ZNF716: variants seen among roughly 807,000 people sequenced by gnomAD.
ZNF716 encodes zinc finger protein 716.
ZNF716 carries 9 observed loss-of-function variants against 13.4 expected under a neutral mutation model. That is an observed-to-expected ratio of 0.67 (90% confidence interval 0.41 to 1.18). ZNF716 has a LOEUF of 1.18. Among genes scored for constraint, ZNF716 ranks in the 50% most tolerant of loss-of-function variants. ZNF716 has a pLI of 0.01. For synonymous variants in ZNF716, 186 were observed against 195.2 expected, an observed-to-expected ratio of 0.95 and a Z score of 0.39; for missense variants, 581 against 576.6, an observed-to-expected ratio of 1.01 and a Z score of -0.08.
rs782708091 is a variant in ZNF716 at position 57,462,604 on chromosome 7, A to T, written c.166+18A>T. On this transcript the variant is annotated intron_variant, in intron 2 of 3. Coordinates refer to ENST00000420713, the MANE Select transcript of ZNF716 (RefSeq NM_001159279.1). ...CTCCCTGGGTGAGGAAAACTTCAAT[A>T]CACAATTCCTAATATATTGCCTTTC... 1 of 1,586,938 alleles carries T rather than the reference A, an allele frequency of 6.3e-7. No homozygotes were observed. Among genetic ancestry groups the T allele is most frequent in the South Asian group, 1.1e-5 (1 of 87,094 alleles).
chr7:57,462,237 A>G (rs368377053), intron 1 of ZNF716, among the ~76,000 whole-genome samples: 1 of 151,890 alleles, frequency 6.6e-6, no homozygotes, highest in Non-Finnish European at 1.5e-5. Flanking sequence ...TCATATCTAC[A>G]GTGGTATTGT....
chr7:57,453,246 G>C (rs1411826793), intron 1 of ZNF716, among the ~76,000 whole-genome samples: 1 of 152,130 alleles, frequency 6.6e-6, no homozygotes, highest in Non-Finnish European at 1.5e-5. Flanking sequence ...ACTCATGAGG[G>C]CACAGTGCAG....
chr7:57,455,944 TTTTG>T lies in ZNF716; in HGVS notation c.39+5633_39+5636del, dbSNP rs532404010. On this transcript the variant is annotated intron_variant, in intron 1 of 3. Coordinates refer to ENST00000420713, the MANE Select transcript of ZNF716 (RefSeq NM_001159279.1). ...CTGGGTTGCATGGTTTTTTTTGTTTTTTTGTTTGTTTGTTTGTTTTTTGTTTTTT... is the reference window on the plus strand; with the variant it reads ...CTGGGTTGCATGGTTTTTTTTGTTTTTTTGTTTGTTTGTTTTTTGTTTTTT... Among the ~76,000 whole-genome samples the T allele has an allele frequency of 2.9e-3, 444 of 151,642 alleles. 3 individuals are homozygous for T. The highest frequency in any genetic ancestry group is 0.01 in the African/African-American group (425 of 41,352).
chr7:57,459,171 G>A (rs1554322598), intron 1 of ZNF716, among the ~76,000 whole-genome samples: 1 of 152,092 alleles, frequency 6.6e-6, no homozygotes. Flanking sequence ...TGAAAATGCT[G>A]TGCTCTTAAT....
intron 3 of ZNF716, among the ~76,000 whole-genome samples, chr7:57,468,388 A>G (rs1319175932): frequency 3.9e-5 from 6 of 152,318 alleles, no homozygotes; most frequent in South Asian, 2.1e-4. Context: ...CTTTTGAGAT[A>G]AAAGCCAGTT....
chr7:57,465,653 C>G (rs566182738), intron 3 of ZNF716, among the ~76,000 whole-genome samples: 1 of 152,148 alleles, frequency 6.6e-6, no homozygotes, highest in South Asian at 2.1e-4. Flanking sequence ...CCTGGCTGAT[C>G]TTTTGAAATT....
chr7:57,459,299 AC>A (rs1789662483), intron 1 of ZNF716, among the ~76,000 whole-genome samples: 1 of 146,370 alleles, frequency 6.8e-6, no homozygotes, highest in Non-Finnish European at 1.5e-5. Context: ...AGCACACAGT[AC>A]CTGCTTAGTA....
chr7:57,457,509 T>C lies in ZNF716; in HGVS notation c.40-4951T>C, dbSNP rs527971040. On this transcript the variant is annotated intron_variant, in intron 1 of 3. Coordinates refer to ENST00000420713, the MANE Select transcript of ZNF716 (RefSeq NM_001159279.1). ...ACAGGTGTGTGCCACCACATCCAGC[T>C]AATTTTTGTATTTTTAATAGAGACA... Among the ~76,000 whole-genome samples the C allele has an allele frequency of 2.0e-5, 3 of 152,226 alleles. No individual in the cohort carries two copies. The East Asian group carries it at 5.8e-4, about 29-fold the overall frequency.
chr7:57,454,019 G>A (rs1554321888), intron 1 of ZNF716, among the ~76,000 whole-genome samples: 1 of 152,144 alleles, frequency 6.6e-6, no homozygotes, highest in Admixed American at 6.5e-5. Flanking sequence ...TTTTAGTAAA[G>A]ATGGGGTTTT....
chr7:57,460,127 C>T lies in ZNF716; in HGVS notation c.40-2333C>T, dbSNP rs1256755840. On this transcript the variant is annotated intron_variant, in intron 1 of 3. Coordinates refer to ENST00000420713, the MANE Select transcript of ZNF716 (RefSeq NM_001159279.1). ...TTCAGGCCGGGTGCGGTGGCTCACG[C>T]CTGTAATCCGAGCACTTAGGGAGGC... Among the ~76,000 whole-genome samples, 3 of 152,042 alleles carry T rather than the reference C, an allele frequency of 2.0e-5. No homozygotes were observed. In the South Asian group the frequency reaches 6.2e-4, roughly 32 times the overall value.
chr7:57,451,301 C>G (rs1789488528), intron 1 of ZNF716, among the ~76,000 whole-genome samples: 1 of 151,834 alleles, frequency 6.6e-6, no homozygotes, highest in South Asian at 2.1e-4. Context: ...AGTCGTGATC[C>G]CCCCGTGCCC....
rs1218348797 is a variant in ZNF716, at chr7:57,470,929, T to C, written c.*980T>C. On this transcript the variant is annotated 3_prime_UTR_variant, in exon 4 of 4. Coordinates refer to ENST00000420713, the MANE Select transcript of ZNF716 (RefSeq NM_001159279.1). ...TCCTTTAAATGGTAGTTGCATGTTA[T>C]GGTAGGTAAGATAATTTATACTGAA... The C allele has an allele frequency of 6.6e-6, 1 of 152,134 alleles. No homozygotes were observed. Among genetic ancestry groups the C allele is most frequent in the Non-Finnish European group, 1.5e-5 (1 of 68,020 alleles). 9.4% of individuals were successfully genotyped at this position (152,134 alleles called of 1,614,324 possible).
intron 3 of ZNF716, among the ~76,000 whole-genome samples, chr7:57,466,117 A>G (rs771080013): frequency 1.3e-5 from 2 of 152,112 alleles, no homozygotes; most frequent in Non-Finnish European, 2.9e-5. Context: ...GCACACCAGC[A>G]TGGCACATGT....
chr7:57,450,415 G>A, intron 1 of ZNF716, 88 bp downstream of exon 1: 2 of 1,608,786 alleles, frequency 1.2e-6, no homozygotes, highest in East Asian at 2.2e-5. Flanking sequence ...AAACTTCCTC[G>A]CAGTCAGCTC....
chr7:57,465,701 G>A (rs1387820481), intron 3 of ZNF716, among the ~76,000 whole-genome samples: 1 of 152,136 alleles, frequency 6.6e-6, no homozygotes, highest in African/African-American at 2.4e-5. Context: ...TGCACCAGGA[G>A]CAAATAAGAA....
intron 1 of ZNF716, among the ~76,000 whole-genome samples, chr7:57,460,830 A>G (rs555914775): frequency 2.0e-5 from 3 of 152,276 alleles, no homozygotes; most frequent in Admixed American, 6.5e-5. Flanking sequence ...ACAGGATGGC[A>G]TTTATTACCC....
rs782340963 is a variant in ZNF716, at chr7:57,450,280, C to T, written c.-9C>T. 7 of 1,613,962 alleles carry T rather than the reference C, an allele frequency of 4.3e-6. No homozygotes were observed. Among genetic ancestry groups the T allele is most frequent in the East Asian group, 4.5e-5 (2 of 44,860 alleles). ...TGTGGCCTTGTGTCCTGCAAGTATT[C>T]GCAGATTTATGGCTAAAAGACCGGG... is the stretch of plus-strand genomic sequence containing the variant. On this transcript the variant is annotated 5_prime_UTR_variant, in exon 1 of 4. Coordinates refer to ENST00000420713, the MANE Select transcript of ZNF716 (RefSeq NM_001159279.1).
In ZNF716 at chr7:57,470,494, C is replaced by T. The variant is rs768913156; in HGVS notation, c.*545C>T. 4 of 154,158 alleles carry T rather than the reference C, an allele frequency of 2.6e-5. No homozygotes were observed. Among genetic ancestry groups the T allele is most frequent in the African/African-American group, 4.8e-5 (2 of 41,444 alleles). 9.5% of individuals were successfully genotyped at this position (154,158 alleles called of 1,614,324 possible). A position where few individuals can be genotyped will look rare whatever the true frequency, so the allele number is the denominator to read the frequency against. ...AATGTGACAAAACATTTAAGCACAT[C>T]TCAGGCCTTACACAATATCAGATAA... is the stretch of plus-strand genomic sequence containing the variant. On this transcript the variant is annotated 3_prime_UTR_variant, in exon 4 of 4. Coordinates refer to ENST00000420713, the MANE Select transcript of ZNF716 (RefSeq NM_001159279.1).
At chr7:57,468,664 G>T in intron 3 of ZNF716, 60 bp from the exon 4 acceptor site, 2 of 1,509,008 alleles carry the variant, frequency 1.3e-6, no homozygotes, top group South Asian at 1.3e-5. Flanking sequence ...TATTTGATTT[G>T]CAAAATATAT....
Sources: gnomAD v4.1 joint callset for allele counts (sites outside exome capture counted in the v4.1 genomes callset) on GRCh38, gnomAD v4.1.1 for gene constraint, MANE v1.5 for transcripts, NCBI Gene and HGNC (gene_info 2026-07-23, HGNC 2026-07-21) for gene names.